Variants in LAMB3 observed in about 807,000 individuals in gnomAD.
The protein encoded by LAMB3 is laminin subunit beta 3, also known as laminin subunit beta-3.
In LAMB3, 104 loss-of-function variants were observed where a neutral mutation model predicts 140.3. That is an observed-to-expected ratio of 0.74 (90% CI 0.63 to 0.87). The LOEUF is 0.87. Ranked by LOEUF, LAMB3 falls within the 40% of genes least tolerant of loss-of-function variation. LAMB3 has a pLI of 0.00. For synonymous variants in LAMB3, 592 were observed against 602.9 expected (o/e 0.98, Z 0.26); for missense variants, 1,531 against 1,575.2 (o/e 0.97, Z 0.47).
At chr1:209,627,078 C>A (rs1666487931) in intron 12 of LAMB3, 100 bp from the exon 13 acceptor site, 4 of 925,508 alleles carry the variant, frequency 4.3e-6, no homozygotes, top group Non-Finnish European at 6.9e-6. Context: ...CAGGTAGAAT[C>A]CAGGGCTCAT....
rs371472238 is a variant in LAMB3, at chr1:209,617,598, G to A, written c.3052-12C>T. The A allele has an allele frequency of 4.3e-5, 69 of 1,613,412 alleles. No homozygotes were observed. The African/African-American group carries it at 5.7e-4, about 13-fold the overall frequency. ...AGTACCTGCTGAACCTTTGTGGAAAGAGGGAGATCTGGCCTTTGTGGTGGG... is the reference window on the plus strand; with the variant it reads ...AGTACCTGCTGAACCTTTGTGGAAAAAGGGAGATCTGGCCTTTGTGGTGGG... On this transcript the variant is annotated splice_polypyrimidine_tract_variant and intron_variant, in intron 20 of 22. Transcript: ENST00000356082.
At chr1:209,626,669 G>A (rs1666468574) in intron 13 of LAMB3, among the ~76,000 whole-genome samples, 198 bp downstream of exon 13, 2 of 152,238 alleles carry the variant, frequency 1.3e-5, no homozygotes. Context: ...CAGGAACAGC[G>A]GGCATAGGCC....
intron 9 of LAMB3, 133 bp downstream of exon 9, chr1:209,630,482 T>C: frequency 9.8e-7 from 1 of 1,019,508 alleles, no homozygotes; most frequent in Non-Finnish European, 1.5e-6. Flanking sequence ...GCTTGAATTG[T>C]AATGGTGCAA....
rs1666441811 is a variant in LAMB3, at chr1:209,626,110, G to A, written c.1598-84C>T. On this transcript the variant is annotated intron_variant, in intron 13 of 22. Coordinates refer to ENST00000356082, the MANE Select transcript of LAMB3 (RefSeq NM_000228.3). ...AGGGAGAGCCCTGAAGAGGAGGTCTGACCTGAGGCTCTTTCTACATGACTT... is the reference window on the plus strand; with the variant it reads ...AGGGAGAGCCCTGAAGAGGAGGTCTAACCTGAGGCTCTTTCTACATGACTT... 5 of 1,409,848 alleles carry A rather than the reference G, an allele frequency of 3.5e-6. No homozygotes were observed. In the Admixed American group the frequency reaches 1.1e-4, roughly 30 times the overall value. 87.3% of individuals were successfully genotyped at this position (1,409,848 alleles called of 1,614,324 possible).
intron 3 of LAMB3, among the ~76,000 whole-genome samples, chr1:209,645,410 G>A (rs2076507380): frequency 6.6e-6 from 1 of 152,074 alleles, no homozygotes. Flanking sequence ...TAGGGCTTCT[G>A]GGAAACAAAA....
chr1:209,625,771 C>A lies in LAMB3; in HGVS notation c.1853G>T (p.Arg618Leu). 6.2e-7 allele frequency: 1 copy of A among 1,614,180 alleles called. No individual in the cohort carries two copies. Among genetic ancestry groups the A allele is most frequent in the Non-Finnish European group, 8.5e-7 (1 of 1,180,040 alleles). ...ATCTAGGATCCGGGAGGCCAGGCCACGGTCCTCCAGCCCAGGCCCTGACCA... is the reference window on the plus strand; with the variant it reads ...ATCTAGGATCCGGGAGGCCAGGCCAAGGTCCTCCAGCCCAGGCCCTGACCA... ...SLWSGPGLEDRGLASRILDAK... is the reference protein window; with the variant it reads ...SLWSGPGLEDLGLASRILDAK... Residue 618 changes from arginine to leucine, a missense_variant, in exon 14 of 23, where the codon CGT becomes CTT. Arg to Leu is a moderately radical substitution (Grantham distance 102). Transcript: ENST00000356082.
In LAMB3 at chr1:209,634,539, G is replaced by A. The variant is rs779979101; in HGVS notation, c.472C>T (p.Pro158Ser). 3 of 1,614,044 alleles carry A rather than the reference G, an allele frequency of 1.9e-6. No homozygotes were observed. In the East Asian group the frequency reaches 6.7e-5, roughly 36 times the overall value. The change falls in exon 6 of 23, where the codon CCT (proline) becomes TCT (serine). Residue 158 changes from proline to serine, a missense_variant. Coordinates refer to ENST00000356082, the MANE Select transcript of LAMB3 (RefSeq NM_000228.3). ...YLAADCTSTF[P>S]RVRQGRPQSW... ...TGAGGCCGACCCTGGCGGACCCGAG[G>A]GAAGGTGGAGGTGCAGTCGGCAGCC...
chr1:209,622,986 T>C lies in LAMB3; in HGVS notation c.2552A>G (p.Gln851Arg), dbSNP rs1666259513. 6.2e-7 allele frequency: 1 copy of C among 1,613,156 alleles called. No homozygotes were observed. The highest frequency in any genetic ancestry group is 1.9e-4 in the Middle Eastern group (1 of 5,358). The change falls in exon 17 of 23, where the codon CAG becomes CGG. Residue 851 changes from glutamine (Q) to arginine (R), a missense_variant. By Grantham distance (43) the Gln-to-Arg change is conservative. Coordinates refer to ENST00000356082, the MANE Select transcript of LAMB3 (RefSeq NM_000228.3). ...CCCCGCCTCGGCTGCACTTACCATCTGCCTGGTCCGCTGGAGCTGGGCATT... is the reference window on the plus strand; with the variant it reads ...CCCCGCCTCGGCTGCACTTACCATCCGCCTGGTCCGCTGGAGCTGGGCATT... ...GFNAQLQRTR[Q>R]MIRAAEESAS...
At chr1:209,650,887 G>C (rs375134824) in intron 2 of LAMB3, 30 bp downstream of exon 2, 69 of 1,611,598 alleles carry the variant, frequency 4.3e-5, no homozygotes, top group South Asian at 1.8e-4. Context: ...CCATATAACA[G>C]GGCCTGGAAG....
At chr1:209,624,880 G>GAGGA (rs397962425) in intron 14 of LAMB3, among the ~76,000 whole-genome samples, 18,118 of 100,542 alleles carry the variant, frequency 0.18, 1,885 homozygotes, top group South Asian at 0.22. Flanking sequence ...GAAAGAGAGA[G>GAGGA]AGGAAGGAAG....
chr1:209,642,626 A>G (rs1462523197), intron 3 of LAMB3, among the ~76,000 whole-genome samples: 2 of 152,028 alleles, frequency 1.3e-5, no homozygotes, highest in African/African-American at 2.4e-5. Context: ...TTACAGGCAC[A>G]TGCCACTATG....
In LAMB3 at chr1:209,627,385, G is replaced by C; in HGVS notation, c.1483C>G (p.Gln495Glu). 1.2e-6 allele frequency: 2 copies of C among 1,612,694 alleles called. No individual in the cohort carries two copies. Among genetic ancestry groups the C allele is most frequent in the Non-Finnish European group, 1.7e-6 (2 of 1,179,204 alleles). The change falls in exon 12 of 23, where the codon CAG (glutamine) becomes GAG (glutamate). Residue 495 changes from glutamine to glutamate, a missense_variant and splice_region_variant. Coordinates refer to ENST00000356082, the MANE Select transcript of LAMB3 (RefSeq NM_000228.3). ...CCCGGACCACCCTCACTTCGTACCTGGTTGCACTGTGGGCTGAGGGAGTTG... is the reference window on the plus strand; with the variant it reads ...CCCGGACCACCCTCACTTCGTACCTCGTTGCACTGTGGGCTGAGGGAGTTG... The part of the protein sequence containing the change: ...PHNSLSPQCN[Q>E]FTGQCPCREG...
intron 14 of LAMB3, among the ~76,000 whole-genome samples, chr1:209,624,655 A>G (rs1429314249): frequency 6.6e-6 from 1 of 152,206 alleles, no homozygotes; most frequent in East Asian, 1.9e-4. Context: ...TGGTGGACTG[A>G]CTGCCCGAAT....
At chr1:209,620,931 C>T (rs1666166931) in intron 18 of LAMB3, among the ~76,000 whole-genome samples, 1 of 152,182 alleles carries the variant, frequency 6.6e-6, no homozygotes, top group Non-Finnish European at 1.5e-5. Context: ...GCTTCTGCAC[C>T]AGGACTCTGG....
chr1:209,618,361 G>T, intron 19 of LAMB3, 91 bp downstream of exon 19: 1 of 1,300,424 alleles, frequency 7.7e-7, no homozygotes, highest in South Asian at 1.2e-5. Flanking sequence ...CTGTCTCCCA[G>T]CCCTCTGTAC....
At chr1:209,641,690 TTC>T (rs1468571877) in intron 3 of LAMB3, among the ~76,000 whole-genome samples, 1 of 152,194 alleles carries the variant, frequency 6.6e-6, no homozygotes, top group Non-Finnish European at 1.5e-5. Context: ...GAAACGGGGC[TTC>T]TCCAGCTGAC....
rs770169154 is a variant in LAMB3 at position 209,638,563 on chromosome 1, C to T, written c.269G>A (p.Gly90Asp). Reference protein sequence around the residue: ...HRVENVASSSGPMRWWQSQND... With the variant: ...HRVENVASSSDPMRWWQSQND... The stretch of plus-strand genomic sequence containing the variant: ...CTGTGACTGCCACCAGCGCATGGGG[C>T]CGGAGGATGAAGCCACATTCTCTAC... Residue 90 changes from glycine to aspartate, a missense_variant, in exon 4 of 23, where the codon GGC (glycine) becomes GAC (aspartate). By Grantham distance (94) the Gly-to-Asp change is moderately conservative (BLOSUM62 -1). Coordinates refer to ENST00000356082, the MANE Select transcript of LAMB3 (RefSeq NM_000228.3). 3.7e-6 allele frequency: 6 copies of T among 1,613,436 alleles called. No individual in the cohort carries two copies. The South Asian group carries it at 5.5e-5, about 15-fold the overall frequency.
chr1:209,650,079 C>T lies in LAMB3; in HGVS notation c.68G>A (p.Arg23His), dbSNP rs139480015. The T allele has an allele frequency of 1.4e-4, 219 of 1,613,940 alleles. No individual in the cohort carries two copies. In the African/African-American group the frequency reaches 2.3e-3, roughly 17 times the overall value. The change falls in exon 3 of 23, where the codon CGT (arginine) becomes CAT (histidine). Residue 23 changes from arginine (R) to histidine (H), a missense_variant. Coordinates refer to ENST00000356082, the MANE Select transcript of LAMB3 (RefSeq NM_000228.3). ...GLLHAQQACSRGACYPPVGDL... is the reference protein window; with the variant it reads ...GLLHAQQACSHGACYPPVGDL... ...CCCAACAGGTGGATAGCAGGCCCCA[C>T]GGGAGCAGGCTTGTTGGGCATGCAG...
intron 5 of LAMB3, among the ~76,000 whole-genome samples, chr1:209,634,917 T>TTCTCTCTCTCTCTCTC (rs59855467): frequency 1.2e-4 from 16 of 136,244 alleles, no homozygotes; most frequent in African/African-American, 4.6e-4. Context: ...CCATTTTTTA[T>TTCTCTCTCTCTCTCTC]TCTCTCTCTC....
Sources: gnomAD v4.1 joint callset for allele counts (sites outside exome capture counted in the v4.1 genomes callset) on GRCh38, gnomAD v4.1.1 for gene constraint, MANE v1.5 for transcripts, NCBI Gene and HGNC (gene_info 2026-07-23, HGNC 2026-07-21) for gene names.